The following DYNLL1 variants were observed in gnomAD, a reference collection of about 807,000 sequenced individuals.
The protein encoded by DYNLL1 is dynein light chain LC8-type 1, also known as dynein light chain 1, cytoplasmic.
A neutral mutation model predicts 10.1 loss-of-function variants in DYNLL1; 3 were observed. The observed-to-expected ratio is 0.30, with a 90% CI of 0.14 to 0.77. The LOEUF (loss-of-function observed/expected upper bound fraction) is 0.77, where lower values mean the gene tolerates loss of function less well. Ranked by LOEUF, DYNLL1 falls within the 30% of genes least tolerant of loss-of-function variation. DYNLL1 has a pLI of 0.66. For missense variants in DYNLL1, 47 were observed against 111.7 expected (o/e 0.42, Z 2.61); for synonymous variants, 46 against 41.2 (o/e 1.12, Z -0.45).
At chr12:120,483,872 A>G (rs568861565) in intron 1 of DYNLL1, among the ~76,000 whole-genome samples, 2 of 152,200 alleles carry the variant, frequency 1.3e-5, no homozygotes, top group African/African-American at 4.8e-5. Context: ...ATGGGAGGAC[A>G]GCTAAGAGAG....
chr12:120,497,824 C>A, intron 2 of DYNLL1: 1 of 474,088 alleles, frequency 2.1e-6, no homozygotes, highest in Non-Finnish European at 3.7e-6. Flanking sequence ...AACAAAACAC[C>A]CTGTCTTTAG....
At chr12:120,473,082 G>A (rs749852148) in intron 1 of DYNLL1, among the ~76,000 whole-genome samples, 1 of 152,150 alleles carries the variant, frequency 6.6e-6, no homozygotes, top group East Asian at 1.9e-4. Context: ...CTTGAGTTGT[G>A]TATATAGGTT....
At position 120,470,834 on chromosome 12, in the gene DYNLL1, C is replaced by T. The variant is rs866664971; in HGVS notation, c.-7+730C>T. On this transcript the variant is annotated intron_variant, in intron 1 of 2. Transcript: ENST00000392509. ...CCAAGGCGGGAGGATCACTTGAGGT[C>T]AGTAGTTCGAGACTAGCCTGGGCAA... Among the ~76,000 whole-genome samples, 82 of 152,172 alleles carry T rather than the reference C, an allele frequency of 5.4e-4. No individual in the cohort carries two copies. In the Middle Eastern group the frequency reaches 0.017, roughly 32 times the overall value.
At chr12:120,496,345 CG>C (rs1868397612) in intron 1 of DYNLL1, 70 bp from the exon 2 acceptor site, 1 of 1,591,594 alleles carries the variant, frequency 6.3e-7, no homozygotes, top group Non-Finnish European at 8.6e-7. Flanking sequence ...TGGCGCCGGC[CG>C]GGGTGGGGGC....
intron 1 of DYNLL1, among the ~76,000 whole-genome samples, chr12:120,484,925 A>G (rs575669212): frequency 6.6e-6 from 1 of 152,328 alleles, no homozygotes; most frequent in African/African-American, 2.4e-5. Context: ...TTTTTAGTAG[A>G]GATGGGGTTT....
chr12:120,487,028 G>A (rs1225506418), intron 1 of DYNLL1, among the ~76,000 whole-genome samples: 2 of 150,064 alleles, frequency 1.3e-5, no homozygotes, highest in African/African-American at 2.5e-5. Context: ...AGGCTGGAGT[G>A]CAATGGCGCC....
chr12:120,496,643 C>T, intron 2 of DYNLL1, 90 bp downstream of exon 2: 1 of 1,608,326 alleles, frequency 6.2e-7, no homozygotes, highest in Non-Finnish European at 8.5e-7. Flanking sequence ...TGACAGGTCC[C>T]GGGAATACTG....
At chr12:120,476,955 A>G in intron 1 of DYNLL1, among the ~76,000 whole-genome samples, 1 of 136,458 alleles carries the variant, frequency 7.3e-6, no homozygotes. Context: ...TTTGAGACGG[A>G]GTCTCGCTCT....
intron 1 of DYNLL1, among the ~76,000 whole-genome samples, chr12:120,472,461 G>T (rs991336122): frequency 1.3e-5 from 2 of 152,126 alleles, no homozygotes; most frequent in Non-Finnish European, 2.9e-5. Context: ...AGCCTTATAG[G>T]AGCTTACATA....
At chr12:120,494,726 G>T (rs1017225096), upstream of DYNLL1, among the ~76,000 whole-genome samples, 4 of 152,178 alleles carry the variant, frequency 2.6e-5, no homozygotes, top group Admixed American at 1.3e-4. Context: ...AAAGTGCTGG[G>T]ATTACAGGTG....
chr12:120,475,101 A>G (rs1878726413), intron 1 of DYNLL1, among the ~76,000 whole-genome samples: 1 of 152,148 alleles, frequency 6.6e-6, no homozygotes, highest in Non-Finnish European at 1.5e-5. Context: ...AAGATAATTC[A>G]AGATTTGCAG....
intron 1 of DYNLL1, among the ~76,000 whole-genome samples, chr12:120,485,406 C>A (rs1242817646): frequency 6.6e-6 from 1 of 151,914 alleles, no homozygotes; most frequent in Non-Finnish European, 1.5e-5. Flanking sequence ...CAGGCGCCCA[C>A]CACCACACCC....
At chr12:120,488,701 C>G (rs896283910) in intron 1 of DYNLL1, 1 of 152,126 alleles carries the variant, frequency 6.6e-6, no homozygotes, top group Non-Finnish European at 1.5e-5. Flanking sequence ...CACCTGAGGT[C>G]GGGAGTTCAA....
At chr12:120,484,057 A>G (rs546548238) in intron 1 of DYNLL1, among the ~76,000 whole-genome samples, 2 of 151,786 alleles carry the variant, frequency 1.3e-5, no homozygotes, top group African/African-American at 4.8e-5. Context: ...GAGGTGAGGA[A>G]TCGGGGACAG....
Position 120,496,457 on chromosome 12 carries a change from C to T in DYNLL1, c.36C>T (p.Asp12=), listed in dbSNP as rs766650074. The change falls in exon 2 of 3, where the codon GAC becomes GAT. Residue 12 remains aspartate, a synonymous_variant. Transcript: ENST00000242577. ...CDRKAVIKNA[D]MSEEMQQDSV... Reference sequence around the variant, plus strand: ...GAAAGGCCGTGATCAAAAATGCGGACATGTCGGAAGAGATGCAACAGGACT... The same window carrying T: ...GAAAGGCCGTGATCAAAAATGCGGATATGTCGGAAGAGATGCAACAGGACT... 2.4e-5 allele frequency: 39 copies of T among 1,613,974 alleles called. No homozygotes were observed. Among genetic ancestry groups the T allele is most frequent in the Non-Finnish European group, 3.3e-5 (39 of 1,179,966 alleles).
chr12:120,477,802 A>AT lies in DYNLL1; in HGVS notation c.-7+7707dup, dbSNP rs1014591358. ...AAAAATAAAGTAAAAATATATATATATTTTTTTTTCTGAGACAGAGTTTCG... is the reference window on the plus strand; with the variant it reads ...AAAAATAAAGTAAAAATATATATATATTTTTTTTTTCTGAGACAGAGTTTCG... On this transcript the variant is annotated intron_variant, in intron 1 of 2. Transcript: ENST00000392509. Among the ~76,000 whole-genome samples, 51 of 150,186 alleles carry AT rather than the reference A, an allele frequency of 3.4e-4. 1 individual carries two copies. Among genetic ancestry groups the AT allele is most frequent in the South Asian group, 6.3e-4 (3 of 4,764 alleles).
chr12:120,477,804 T>A (rs35403904), intron 1 of DYNLL1, among the ~76,000 whole-genome samples: 14,028 of 150,402 alleles, frequency 0.093, 727 homozygotes, highest in South Asian at 0.12. Flanking sequence ...ATATATATAT[T>A]TTTTTTTCTG....
At chr12:120,491,835 A>T (rs1310819259), upstream of DYNLL1, 1 of 152,232 alleles carries the variant, frequency 6.6e-6, no homozygotes, top group Non-Finnish European at 1.5e-5. Context: ...TCTGTTGCGG[A>T]GGAATCAAGG....
In DYNLL1 at chr12:120,496,665, G is replaced by A. The variant is rs79055685; in HGVS notation, c.132+112G>A. ...TCCCGGGAATACTGCTGGCGGCTTG[G>A]GGCGTAGAAGCTTCCAGAAAGGACG... On this transcript the variant is annotated intron_variant, in intron 2 of 2. Coordinates refer to ENST00000242577, the MANE Select transcript of DYNLL1 (RefSeq NM_003746.3). 9.0e-4 allele frequency: 1,414 copies of A among 1,578,272 alleles called. 10 individuals carry two copies. In the African/African-American group the frequency reaches 0.017, roughly 20 times the overall value.
Sources: gnomAD v4.1 joint callset for allele counts (sites outside exome capture counted in the v4.1 genomes callset) on GRCh38, gnomAD v4.1.1 for gene constraint, MANE v1.5 for transcripts, NCBI Gene and HGNC (gene_info 2026-07-23, HGNC 2026-07-21) for gene names.